The following UST variants were observed in gnomAD, a reference collection of about 807,000 sequenced individuals.
UST encodes the protein chondroitin sulfate 2-O-sulfotransferase.
In UST, 21 loss-of-function variants were observed where a neutral mutation model predicts 45.6. The ratio of observed to expected loss-of-function variants is 0.46; its 90% CI spans 0.33 to 0.66. The LOEUF (loss-of-function observed/expected upper bound fraction) is 0.66, where lower values mean the gene tolerates loss of function less well. Ranked by LOEUF, UST falls within the 30% of genes least tolerant of loss-of-function variation. The pLI, the probability that UST is intolerant of heterozygous loss-of-function variation, is 0.02. For missense variants in UST, 463 were observed against 512.4 expected (o/e 0.90, Z 0.93); for synonymous variants, 215 against 200.6 (o/e 1.07, Z -0.61).
At chr6:148,907,192 T>G (rs1325609844) in intron 2 of UST, among the ~76,000 whole-genome samples, 6 of 152,310 alleles carry the variant, frequency 3.9e-5, no homozygotes, top group African/African-American at 1.4e-4. Context: ...ACACGGGAAT[T>G]GATGCTATTT....
intron 1 of UST, among the ~76,000 whole-genome samples, chr6:148,792,382 A>G (rs145946226): frequency 5.6e-4 from 85 of 152,308 alleles, no homozygotes; most frequent in Non-Finnish European, 1.0e-3. Flanking sequence ...CTCTCCTGCT[A>G]ATACCAAGCC....
intron 5 of UST, among the ~76,000 whole-genome samples, chr6:149,004,881 C>T (rs1490535513): frequency 6.6e-6 from 1 of 152,004 alleles, no homozygotes; most frequent in Non-Finnish European, 1.5e-5. Flanking sequence ...TTGCCCAGGC[C>T]GGAATGCAGT....
At chr6:148,754,170 T>G (rs1776046809) in intron 1 of UST, among the ~76,000 whole-genome samples, 1 of 152,032 alleles carries the variant, frequency 6.6e-6, no homozygotes, top group African/African-American at 2.4e-5. Context: ...AATTTTTTTG[T>G]ATTTTTTAGT....
intron 4 of UST, among the ~76,000 whole-genome samples, chr6:148,958,114 T>A (rs1185285251): frequency 1.3e-5 from 2 of 152,190 alleles, no homozygotes; most frequent in African/African-American, 4.8e-5. Context: ...ACCTTGAAAT[T>A]TAGACAGTCT....
Position 148,747,685 on chromosome 6 carries a change from A to T in UST, c.247+8A>T, listed in dbSNP as rs1252566530. ...ACCTGCGGCAGTACTTGGGTAAGGA[A>T]GCTGGGCAGGCGCTAGGGCGGCGCC... On this transcript the variant is annotated splice_region_variant and intron_variant, in intron 1 of 7. Transcript: ENST00000367463. 2 of 1,590,506 alleles carry T rather than the reference A, an allele frequency of 1.3e-6. No homozygotes were observed. Among genetic ancestry groups the T allele is most frequent in the Non-Finnish European group, 8.5e-7 (1 of 1,169,904 alleles).
intron 1 of UST, among the ~76,000 whole-genome samples, chr6:148,787,571 A>C (rs1389168958): frequency 6.6e-6 from 1 of 152,164 alleles, no homozygotes; most frequent in Non-Finnish European, 1.5e-5. Context: ...CACCAGTACC[A>C]TGCTGTTTTG....
intron 2 of UST, among the ~76,000 whole-genome samples, chr6:148,930,182 G>A (rs550562729): frequency 1.3e-5 from 2 of 152,260 alleles, no homozygotes; most frequent in Admixed American, 6.5e-5. Context: ...TATCTCTAGT[G>A]GGGCGCTTAC....
At chr6:148,803,225 C>G (rs990618815) in intron 1 of UST, among the ~76,000 whole-genome samples, 1 of 152,144 alleles carries the variant, frequency 6.6e-6, no homozygotes, top group Admixed American at 6.5e-5. Flanking sequence ...AATTCTCCTT[C>G]CCCTCTCTCT....
chr6:148,748,738 G>T lies in UST; in HGVS notation c.247+1061G>T, dbSNP rs548335199. On this transcript the variant is annotated intron_variant, in intron 1 of 7. Coordinates refer to ENST00000367463, the MANE Select transcript of UST (RefSeq NM_005715.3). The surrounding 1 kb of genome is among the most constrained non-coding windows in gnomAD (Gnocchi z 5.3). ...CTCCAGCTTCTTGCAAGCATCCGAA[G>T]TGATAAGCCTGAGCATCTGCACGAT... is the stretch of plus-strand genomic sequence containing the variant. Among the ~76,000 whole-genome samples, 30 of 152,218 alleles carry T rather than the reference G, an allele frequency of 2.0e-4. No homozygotes were observed. The highest frequency in any genetic ancestry group is 7.2e-4 in the African/African-American group (30 of 41,522).
intron 5 of UST, among the ~76,000 whole-genome samples, chr6:149,007,332 G>T (rs201566267): frequency 6.8e-6 from 1 of 146,670 alleles, no homozygotes; most frequent in East Asian, 2.0e-4. Flanking sequence ...CTTTTGCCCA[G>T]GCTGGAGTGC....
intron 7 of UST, among the ~76,000 whole-genome samples, chr6:149,067,823 A>C (rs904615262): frequency 1.3e-5 from 2 of 152,204 alleles, no homozygotes; most frequent in African/African-American, 4.8e-5. Flanking sequence ...TTATCACCAG[A>C]AGTCTGTCGT....
At chr6:148,782,612 G>A (rs1353361848) in intron 1 of UST, among the ~76,000 whole-genome samples, 2 of 152,008 alleles carry the variant, frequency 1.3e-5, no homozygotes, top group Non-Finnish European at 1.5e-5. Context: ...CACCATGCCC[G>A]GCTAATTTTT....
intron 3 of UST, among the ~76,000 whole-genome samples, chr6:148,948,034 G>A (rs1334598516): frequency 2.0e-5 from 3 of 152,162 alleles, no homozygotes; most frequent in Admixed American, 1.3e-4. Flanking sequence ...TGAGACCCAG[G>A]CTCTTTGCCT....
chr6:148,969,967 C>A (rs1244700539), intron 5 of UST, among the ~76,000 whole-genome samples: 1 of 152,232 alleles, frequency 6.6e-6, no homozygotes, highest in African/African-American at 2.4e-5. Flanking sequence ...CGCGCACTCT[C>A]CCTCTCCGAG....
Position 148,910,071 on chromosome 6 carries a change from T to G in UST, c.291+23042T>G, listed in dbSNP as rs116080901. ...CTTAGCATTAGTTTGATTACCTTGGTAAATACACATACATTTCACAATCAA... is the reference window on the plus strand; with the variant it reads ...CTTAGCATTAGTTTGATTACCTTGGGAAATACACATACATTTCACAATCAA... On this transcript the variant is annotated intron_variant, in intron 2 of 7. Transcript: ENST00000367463. Among the ~76,000 whole-genome samples the G allele has an allele frequency of 8.1e-3, 1,235 of 151,838 alleles. 18 individuals are homozygous for G. The highest frequency in any genetic ancestry group is 0.028 in the African/African-American group (1,158 of 41,430).
At position 148,790,410 on chromosome 6, in the gene UST, A is replaced by C. The variant is rs142395813; in HGVS notation, c.247+42733A>C. On this transcript the variant is annotated intron_variant, in intron 1 of 7. Transcript: ENST00000367463. The surrounding 1 kb of genome is among the most constrained non-coding windows in gnomAD (Gnocchi z 4.2). ...TAGAGACCACAAGGTTCTGAAAAAG[A>C]GGCCACTGGTTCAGATGAGGGCAAG... is the stretch of plus-strand genomic sequence containing the variant. Among the ~76,000 whole-genome samples, 185 of 152,354 alleles carry C rather than the reference A, an allele frequency of 1.2e-3. No homozygotes were observed. The highest frequency in any genetic ancestry group is 4.1e-3 in the African/African-American group (169 of 41,584).
Position 148,882,106 on chromosome 6 carries a change from A to G in UST, c.248-4880A>G, listed in dbSNP as rs941061516. 5.3e-5 allele frequency among the ~76,000 whole-genome samples: 8 copies of G among 152,096 alleles called. No homozygotes were observed. The East Asian group carries it at 5.8e-4, about 11-fold the overall frequency. ...AGCACGGTGATCTGCTGGTGAGATAACCGAGATAACAGGGCCCATGGTCCA... is the reference window on the plus strand; with the variant it reads ...AGCACGGTGATCTGCTGGTGAGATAGCCGAGATAACAGGGCCCATGGTCCA... On this transcript the variant is annotated intron_variant, in intron 1 of 7. Transcript: ENST00000367463.
intron 7 of UST, among the ~76,000 whole-genome samples, chr6:149,060,444 C>T (rs890680538): frequency 6.6e-6 from 1 of 152,224 alleles, no homozygotes. Flanking sequence ...CATTCATTTC[C>T]GCTGGAGGCA....
At chr6:148,982,726 A>G (rs891771179) in intron 5 of UST, among the ~76,000 whole-genome samples, 2 of 152,252 alleles carry the variant, frequency 1.3e-5, no homozygotes, top group African/African-American at 4.8e-5. Flanking sequence ...CAGCCTTAAC[A>G]GTGCTTTTAA....
Sources: allele counts gnomAD v4.1 joint callset (sites outside exome capture counted in the v4.1 genomes callset), GRCh38; gene constraint gnomAD v4.1.1; non-coding constraint Gnocchi (gnomAD v3.1); transcripts MANE v1.5; gene names NCBI Gene and HGNC (gene_info 2026-07-23, HGNC 2026-07-21).